Variants in CTNNA2 observed in about 807,000 individuals in gnomAD.
CTNNA2 encodes the protein catenin alpha 2, also known as catenin alpha-2.
In CTNNA2, 42 loss-of-function variants were observed where a neutral mutation model predicts 101.0. The observed-to-expected ratio is 0.42, with a 90% CI of 0.32 to 0.54. The LOEUF (loss-of-function observed/expected upper bound fraction) is 0.54. Ranked by LOEUF, CTNNA2 falls within the 20% of genes least tolerant of loss-of-function variation. The pLI, the probability that CTNNA2 is intolerant of heterozygous loss-of-function variation, is 0.14. For missense variants in CTNNA2, 871 were observed against 1,223.1 expected (o/e 0.71, Z 4.29); for synonymous variants, 450 against 456.4 (o/e 0.99, Z 0.18).
In CTNNA2 at chr2:80,270,239, G is replaced by A. The variant is rs1013579886; in HGVS notation, c.1057-122972G>A. Among the ~76,000 whole-genome samples the A allele has an allele frequency of 2.6e-5, 4 of 152,010 alleles. No homozygotes were observed. The South Asian group carries it at 6.2e-4, about 24-fold the overall frequency. ...GGGTACCTGAGTTTGTGATTCCTCC[G>A]TTTTCTTTGCTCAGCCCAAACTGTA... On this transcript the variant is annotated intron_variant, in intron 7 of 18. Transcript: ENST00000402739.
chr2:80,175,069 C>G (rs1253618667), intron 7 of CTNNA2, among the ~76,000 whole-genome samples: 1 of 152,198 alleles, frequency 6.6e-6, no homozygotes, highest in Admixed American at 6.5e-5. Flanking sequence ...CTCTTCTCCA[C>G]CTCTCAAGAC....
At chr2:80,351,128 T>C (rs1260751116) in intron 7 of CTNNA2, among the ~76,000 whole-genome samples, 1 of 152,082 alleles carries the variant, frequency 6.6e-6, no homozygotes, top group Non-Finnish European at 1.5e-5. Context: ...AAGAAACAGA[T>C]TCCTACTATA....
intron 7 of CTNNA2, among the ~76,000 whole-genome samples, chr2:79,947,820 G>C (rs1031395523): frequency 5.5e-4 from 83 of 152,156 alleles, no homozygotes; most frequent in Non-Finnish European, 1.5e-4. Flanking sequence ...CCCAAAGAAA[G>C]GGGCAAGGAG....
At chr2:79,498,680 G>T (rs943972145) in intron 4 of CTNNA2, among the ~76,000 whole-genome samples, 1 of 152,082 alleles carries the variant, frequency 6.6e-6, no homozygotes, top group African/African-American at 2.4e-5. Flanking sequence ...GAATGGCATG[G>T]CTAACTACTT....
At chr2:79,863,780 G>T (rs1366472089) in intron 4 of CTNNA2, among the ~76,000 whole-genome samples, 1 of 152,164 alleles carries the variant, frequency 6.6e-6, no homozygotes, top group East Asian at 1.9e-4. Flanking sequence ...GTTGGAGGGT[G>T]TGGCCTTGGG....
chr2:80,245,848 G>T (rs1218397654), intron 7 of CTNNA2, among the ~76,000 whole-genome samples: 1 of 118,308 alleles, frequency 8.5e-6, no homozygotes, highest in Non-Finnish European at 1.6e-5. Context: ...AGGCTGGAGT[G>T]CAGTGGCTCA....
chr2:79,818,848 T>TA (rs70940046), intron 3 of CTNNA2, among the ~76,000 whole-genome samples: 2 of 135,402 alleles, frequency 1.5e-5, no homozygotes, highest in African/African-American at 5.6e-5. Context: ...TATATATATA[T>TA]GGATGTATGT....
intron 4 of CTNNA2, among the ~76,000 whole-genome samples, chr2:79,441,475 A>T (rs1034633832): frequency 6.6e-6 from 1 of 152,152 alleles, no homozygotes; most frequent in African/African-American, 2.4e-5. Context: ...TCATATACCC[A>T]GGGACTGAAG....
intron 9 of CTNNA2, among the ~76,000 whole-genome samples, chr2:80,465,797 G>T (rs1684806418): frequency 6.6e-6 from 1 of 152,096 alleles, no homozygotes; most frequent in African/African-American, 2.4e-5. Context: ...CAGTTAGAAT[G>T]AGCTCTTCAT....
At chr2:80,127,038 C>A (rs2148888408) in intron 7 of CTNNA2, among the ~76,000 whole-genome samples, 2 of 152,172 alleles carry the variant, frequency 1.3e-5, no homozygotes, top group South Asian at 4.2e-4. Context: ...TTTTCTCAGA[C>A]AAAAGACAGG....
At chr2:79,792,715 T>G (rs1409586473) in intron 3 of CTNNA2, among the ~76,000 whole-genome samples, 1 of 152,168 alleles carries the variant, frequency 6.6e-6, no homozygotes, top group Non-Finnish European at 1.5e-5. Flanking sequence ...TTTGTGATAT[T>G]AGAAAAATCA....
intron 4 of CTNNA2, among the ~76,000 whole-genome samples, chr2:79,412,170 G>A (rs1293669744): frequency 6.6e-6 from 1 of 152,048 alleles, no homozygotes; most frequent in African/African-American, 2.4e-5. Flanking sequence ...AATGGTAAAG[G>A]GATGAATTCA....
intron 4 of CTNNA2, among the ~76,000 whole-genome samples, chr2:79,433,201 A>G: frequency 6.6e-6 from 1 of 152,320 alleles, no homozygotes; most frequent in East Asian, 1.9e-4. Flanking sequence ...TTTCAAATCT[A>G]GAAACACTTT....
rs371114330 is a variant in CTNNA2, at chr2:80,378,723, T to G, written c.1057-14488T>G. The G allele has an allele frequency of 2.6e-5, 4 of 152,156 alleles. No homozygotes were observed. The South Asian group carries it at 8.3e-4, about 31-fold the overall frequency. 9.4% of individuals were successfully genotyped at this position (152,156 alleles called of 1,614,324 possible). On this transcript the variant is annotated intron_variant, in intron 7 of 18. Transcript: ENST00000402739. ...ACAGAGAAGCTTCAAGCACCCACCT[T>G]TAGCCCTACTCTTGCCTTTTTCATC...
rs145145238 is a variant in CTNNA2 at position 79,466,614 on chromosome 2, T to C, written c.-134-38440T>C. ...GTCCCTGGCCCCTGAGTAGCCTAAC[T>C]GGGAGGCATCCCCAGTAGGGGCAGA... On this transcript the variant is annotated intron_variant, in intron 4 of 21. Coordinates refer to the CTNNA2 transcript ENST00000466387. Among the ~76,000 whole-genome samples the C allele has an allele frequency of 0.011, 1,656 of 152,268 alleles. 80 individuals are homozygous for C. In the East Asian group the frequency reaches 0.13, roughly 12 times the overall value.
At chr2:79,409,707 G>A (rs1328036747) in intron 4 of CTNNA2, among the ~76,000 whole-genome samples, 2 of 149,004 alleles carry the variant, frequency 1.3e-5, no homozygotes, top group Non-Finnish European at 3.0e-5. Context: ...CTGTAGCCTT[G>A]TAGTATAGTT....
At chr2:79,231,308 G>A (rs752522244) in intron 2 of CTNNA2, among the ~76,000 whole-genome samples, 2 of 152,256 alleles carry the variant, frequency 1.3e-5, no homozygotes, top group African/African-American at 2.4e-5. Flanking sequence ...TCCTGTGATA[G>A]CAAATCTGTC....
chr2:79,914,412 C>T (rs1192733197), intron 7 of CTNNA2, among the ~76,000 whole-genome samples: 1 of 152,058 alleles, frequency 6.6e-6, no homozygotes, highest in Non-Finnish European at 1.5e-5. Context: ...GGTACTAAAA[C>T]TGTAAATGAA....
intron 7 of CTNNA2, chr2:80,304,954 A>C: frequency 1.8e-5 from 5 of 279,184 alleles, no homozygotes; most frequent in Non-Finnish European, 2.7e-5. Context: ...AGGTGGAGGT[A>C]GGGGTAGCAT....
Sources: gnomAD v4.1 joint callset for allele counts (sites outside exome capture counted in the v4.1 genomes callset) on GRCh38, gnomAD v4.1.1 for gene constraint, MANE v1.5 for transcripts, NCBI Gene and HGNC (gene_info 2026-07-23, HGNC 2026-07-21) for gene names.